ZDHHC8: variants seen among roughly 807,000 people sequenced by gnomAD.
ZDHHC8 encodes palmitoyltransferase ZDHHC8.
Under a neutral mutation model 61.2 loss-of-function variants are expected in ZDHHC8, and 24 were observed. The ratio of observed to expected loss-of-function variants is 0.39; its 90% CI spans 0.28 to 0.55. The LOEUF (loss-of-function observed/expected upper bound fraction) is 0.55. Among genes scored for constraint, ZDHHC8 ranks in the 20% least tolerant of loss-of-function variants. The pLI, the probability that ZDHHC8 is intolerant of heterozygous loss-of-function variation, is 0.60. For synonymous variants in ZDHHC8, 523 were observed against 492.5 expected, an observed-to-expected ratio of 1.06 and a Z score of -0.82; for missense variants, 935 against 1,102.1, an observed-to-expected ratio of 0.85 and a Z score of 2.15.
At chr22:20,141,393 TCA>T in intron 8 of ZDHHC8, 26 bp from the exon 9 acceptor site, 1 of 1,612,116 alleles carries the variant, frequency 6.2e-7, no homozygotes, top group Middle Eastern at 1.7e-4. Context: ...TCCTCTGACC[TCA>T]GTCTGACAGT....
At chr22:20,140,299 C>T (rs1026664459) in intron 5 of ZDHHC8, 82 bp downstream of exon 5, 4 of 1,387,696 alleles carry the variant, frequency 2.9e-6, no homozygotes, top group Non-Finnish European at 2.9e-6. Context: ...GGCTGGGGCA[C>T]CCTTGCCTGA....
rs775126231 is a variant in ZDHHC8 at position 20,139,309 on chromosome 22, C to T, written c.220C>T (p.Pro74Ser). ...MATFMDPGVF[P>S]RADEDEDKED... is the part of the protein sequence containing the mutation. ...CACTTTCATGGACCCTGGTGTTTTC[C>T]CCCGAGGTAGGGCCCTGTGCTGCGG... The change falls in exon 2 of 11, where the codon CCC (proline) becomes TCC (serine). Residue 74 changes from proline to serine, a missense_variant. Pro to Ser is a moderately conservative substitution (Grantham distance 74). Transcript: ENST00000334554. The T allele has an allele frequency of 1.9e-6, 3 of 1,613,548 alleles. No homozygotes were observed. The highest frequency in any genetic ancestry group is 2.5e-6 in the Non-Finnish European group (3 of 1,179,782).
chr22:20,131,989 C>T lies in ZDHHC8; in HGVS notation c.42C>T (p.Tyr14=). ...GGACGCGCCTCAAACCCGCCAAGTA[C>T]ATCCCGGTGGCCACGGCCGCCGCGC... The part of the protein sequence containing the change: ...SPGTRLKPAK[Y]IPVATAAALL... Residue 14 remains tyrosine (Y), a synonymous_variant, in exon 1 of 11, where the codon TAC becomes TAT. Coordinates refer to ENST00000334554, the MANE Select transcript of ZDHHC8 (RefSeq NM_013373.4). 4 of 1,374,580 alleles carry T rather than the reference C, an allele frequency of 2.9e-6. No individual in the cohort carries two copies. The highest frequency in any genetic ancestry group is 3.8e-6 in the Non-Finnish European group (4 of 1,047,582). 85.1% of individuals were successfully genotyped at this position (1,374,580 alleles called of 1,614,324 possible).
chr22:20,136,767 C>A (rs1442210760), intron 1 of ZDHHC8, among the ~76,000 whole-genome samples: 3 of 152,180 alleles, frequency 2.0e-5, no homozygotes, highest in African/African-American at 7.2e-5. Context: ...GCATGTGTGC[C>A]TTCTGTGCAC....
At chr22:20,139,089 T>G in intron 1 of ZDHHC8, 105 bp from the exon 2 acceptor site, 4 of 1,495,738 alleles carry the variant, frequency 2.7e-6, no homozygotes, top group Non-Finnish European at 3.6e-6. Flanking sequence ...GCCTCTGAGC[T>G]CTGAGGGTGA....
chr22:20,134,296 T>G (rs1602565382), intron 1 of ZDHHC8, among the ~76,000 whole-genome samples: 1 of 152,222 alleles, frequency 6.6e-6, no homozygotes, highest in African/African-American at 2.4e-5. Flanking sequence ...TGGCTGTCAG[T>G]GATCCTGGCC....
In ZDHHC8 at chr22:20,141,310, C is replaced by A; in HGVS notation, c.988C>A (p.Leu330Met). The A allele has an allele frequency of 1.9e-6, 3 of 1,612,802 alleles. No individual in the cohort carries two copies. Among genetic ancestry groups the A allele is most frequent in the Non-Finnish European group, 2.5e-6 (3 of 1,179,898 alleles). The change falls in exon 8 of 11, where the codon CTG becomes ATG. Residue 330 changes from leucine (L) to methionine (M), a missense_variant. Physicochemically the swap from Leu to Met is conservative, Grantham distance 15. Coordinates refer to ENST00000334554, the MANE Select transcript of ZDHHC8 (RefSeq NM_013373.4). ...KIEAGTFSSD[L>M]QTPRPGSAES... Reference sequence around the variant, plus strand: ...AGAGGCTGGCACGTTCAGCAGTGACCTGCAGACCCCGCGCCCAGGCAGTGC... The same window carrying A: ...AGAGGCTGGCACGTTCAGCAGTGACATGCAGACCCCGCGCCCAGGCAGTGC...
chr22:20,147,392 T>C lies in ZDHHC8; in HGVS notation c.*1992T>C. The stretch of plus-strand genomic sequence containing the variant: ...CCCAGCCTGCCAGGGCCTGAGACCC[T>C]GTGTCCACATGACCTCAGGGAGTCC... On this transcript the variant is annotated 3_prime_UTR_variant, in exon 11 of 11. Transcript: ENST00000334554. 2.8e-6 allele frequency: 2 copies of C among 709,792 alleles called. No homozygotes were observed. The highest frequency in any genetic ancestry group is 4.3e-6 in the Non-Finnish European group (2 of 469,186). The allele number at this position is 709,792 out of a possible 1,614,324, so 44.0% of individuals were successfully genotyped here.
In ZDHHC8 at chr22:20,146,563, A is replaced by G; in HGVS notation, c.*1163A>G. ...AGGGAGTGGCTGCTGTCTGGTGTGC[A>G]GGGGTCGGTGGGTTCCTCAGGGGCA... On this transcript the variant is annotated 3_prime_UTR_variant, in exon 11 of 11. Transcript: ENST00000334554. 1.0e-6 allele frequency: 1 copy of G among 991,838 alleles called. No individual in the cohort carries two copies. The highest frequency in any genetic ancestry group is 1.2e-6 in the Non-Finnish European group (1 of 834,576). The allele number at this position is 991,838 out of a possible 1,614,324, so 61.4% of individuals were successfully genotyped here.
At chr22:20,137,309 G>T (rs2050429702) in intron 1 of ZDHHC8, among the ~76,000 whole-genome samples, 1 of 152,256 alleles carries the variant, frequency 6.6e-6, no homozygotes, top group African/African-American at 2.4e-5. Flanking sequence ...GCTCAAGTCA[G>T]CATGGGGTTC....
chr22:20,133,451 G>A (rs1207328782), intron 1 of ZDHHC8, among the ~76,000 whole-genome samples: 8 of 152,126 alleles, frequency 5.3e-5, no homozygotes, highest in South Asian at 4.1e-4. Context: ...TGTGTGGGCC[G>A]GGCGCGGTGG....
In ZDHHC8 at chr22:20,142,848, G is replaced by A. The variant is rs755956770; in HGVS notation, c.1218G>A (p.Gly406=). 3.1e-6 allele frequency: 5 copies of A among 1,612,572 alleles called. No homozygotes were observed. Among genetic ancestry groups the A allele is most frequent in the Non-Finnish European group, 4.2e-6 (5 of 1,179,912 alleles). ...CGAGCCTGGACCTCCCTGACTATGG[G>A]CCAGGGGGCCTGCATGCAGCCTACC... ...SEPSLDLPDY[G]PGGLHAAYPP... is the part of the protein sequence containing the mutation. Residue 406 remains glycine, a synonymous_variant, in exon 10 of 11, where the codon GGG becomes GGA. Transcript: ENST00000334554.
chr22:20,135,701 G>A (rs1232233465), intron 1 of ZDHHC8, among the ~76,000 whole-genome samples: 5 of 152,218 alleles, frequency 3.3e-5, no homozygotes, highest in Admixed American at 2.0e-4. Context: ...GGGACCCACC[G>A]CATGTGGCCT....
Position 20,140,164 on chromosome 22 carries a change from C to T in ZDHHC8, c.607C>T (p.Leu203Phe). The T allele has an allele frequency of 6.2e-7, 1 of 1,613,698 alleles. No homozygotes were observed. The highest frequency in any genetic ancestry group is 8.5e-7 in the Non-Finnish European group (1 of 1,180,016). Residue 203 changes from leucine to phenylalanine, a missense_variant, in exon 5 of 11, where the codon CTC (leucine) becomes TTC (phenylalanine). This residue lies in a region of ZDHHC8 where 199 missense variants were observed against 334.0 expected (regional missense o/e 0.60). Coordinates refer to ENST00000334554, the MANE Select transcript of ZDHHC8 (RefSeq NM_013373.4). ...AGLFFIPVIG[L>F]TGFHVVLVTR... ...CCTCTTCTTCATCCCTGTCATTGGC[C>T]TCACTGGCTTCCATGTGGTGCTGGT...
In ZDHHC8 at chr22:20,141,265, C is replaced by T. The variant is rs2050467181; in HGVS notation, c.943C>T (p.Pro315Ser). The part of the protein sequence containing the change: ...RLDEKPLDLG[P>S]PLPPKIEAGT... Reference sequence around the variant, plus strand: ...GGATGAGAAGCCACTGGACTTGGGGCCACCACTGCCCCCCAAGATAGAGGC... The same window carrying T: ...GGATGAGAAGCCACTGGACTTGGGGTCACCACTGCCCCCCAAGATAGAGGC... Residue 315 changes from proline (P) to serine (S), a missense_variant, in exon 8 of 11, where the codon CCA becomes TCA. Transcript: ENST00000334554. 1.2e-6 allele frequency: 2 copies of T among 1,612,706 alleles called. No individual in the cohort carries two copies. The highest frequency in any genetic ancestry group is 1.7e-6 in the Non-Finnish European group (2 of 1,179,904).
At chr22:20,140,342 C>T in intron 5 of ZDHHC8, 125 bp downstream of exon 5, 3 of 1,045,452 alleles carry the variant, frequency 2.9e-6, no homozygotes, top group Non-Finnish European at 4.1e-6. Context: ...AGACGAGGCT[C>T]CAACTCTGAG....
intron 10 of ZDHHC8, among the ~76,000 whole-genome samples, chr22:20,144,733 C>T (rs559247311): frequency 4.6e-5 from 7 of 152,326 alleles, no homozygotes; most frequent in East Asian, 3.9e-4. Context: ...AGGCAGGGAT[C>T]GCAGCCCGGG....
At position 20,143,050 on chromosome 22, in the gene ZDHHC8, A is replaced by G; in HGVS notation, c.1420A>G (p.Asn474Asp). The change falls in exon 10 of 11, where the codon AAC (asparagine) becomes GAC (aspartate). Residue 474 changes from asparagine (N) to aspartate (D), a missense_variant. Around this residue, in one of 3 missense-constraint regions of ZDHHC8, gnomAD observed 692 missense variants for 731.4 expected, o/e 0.95. Coordinates refer to ENST00000334554, the MANE Select transcript of ZDHHC8 (RefSeq NM_013373.4). ...TGCCCCCCATGCACTGCCCAACCGC[A>G]ACGGCAGCCTGTCCTATGACAGCCT... ...IFAPHALPNRNGSLSYDSLLN... is the reference protein window; with the variant it reads ...IFAPHALPNRDGSLSYDSLLN... 1 of 1,612,312 alleles carries G rather than the reference A, an allele frequency of 6.2e-7. No homozygotes were observed. The highest frequency in any genetic ancestry group is 8.5e-7 in the Non-Finnish European group (1 of 1,179,810).
In ZDHHC8 at chr22:20,143,259, C is replaced by T. The variant is rs1456758998; in HGVS notation, c.1629C>T (p.Asn543=). ...PREPSPVRYD[N]LSRTIMASIQ... ...AGCCCTCGCCTGTGCGCTACGACAA[C>T]CTGTCCAGGACCATCATGGCATCCA... Residue 543 remains asparagine, a synonymous_variant, in exon 10 of 11, where the codon AAC becomes AAT. Transcript: ENST00000334554. 6 of 1,606,336 alleles carry T rather than the reference C, an allele frequency of 3.7e-6. No homozygotes were observed. Among genetic ancestry groups the T allele is most frequent in the Non-Finnish European group, 4.2e-6 (5 of 1,179,540 alleles).
Sources: allele counts gnomAD v4.1 joint callset (sites outside exome capture counted in the v4.1 genomes callset), GRCh38; gene constraint gnomAD v4.1.1; regional missense constraint gnomAD v4.1.1; transcripts MANE v1.5; gene names NCBI Gene and HGNC (gene_info 2026-07-23, HGNC 2026-07-21).